The following UNC13B variants were observed in gnomAD, a reference collection of about 807,000 sequenced individuals.
UNC13B encodes the protein protein unc-13 homolog B.
In UNC13B, 144 loss-of-function variants were observed where a neutral mutation model predicts 211.0. The ratio of observed to expected loss-of-function variants is 0.68; its 90% CI spans 0.60 to 0.78. The LOEUF is 0.78. Among genes scored for constraint, UNC13B ranks in the 30% least tolerant of loss-of-function variants. The pLI, the probability that UNC13B is intolerant of heterozygous loss-of-function variation, is 0.00. For missense variants in UNC13B, 1,777 were observed against 2,002.0 expected (o/e 0.89, Z 2.14); for synonymous variants, 709 against 725.8 (o/e 0.98, Z 0.37).
rs550912877 is a variant in UNC13B at position 35,366,303 on chromosome 9, A to T, written c.9415-644A>T. ...ATTTTTGAACTGTTCCCTTCCTTGAATTATTTGGTGTCTCAAGTTTCGACT... is the reference window on the plus strand; with the variant it reads ...ATTTTTGAACTGTTCCCTTCCTTGATTTATTTGGTGTCTCAAGTTTCGACT... On this transcript the variant is annotated intron_variant, in intron 11 of 39. Transcript: ENST00000635942. 2.0e-5 allele frequency among the ~76,000 whole-genome samples: 3 copies of T among 152,276 alleles called. No individual in the cohort carries two copies. The South Asian group carries it at 6.2e-4, about 32-fold the overall frequency.
chr9:35,385,219 G>A, intron 22 of UNC13B: 1 of 985,444 alleles, frequency 1.0e-6, no homozygotes, highest in Non-Finnish European at 1.2e-6. Context: ...TCCAAAAGCA[G>A]TTCTGCTCAG....
chr9:35,324,294 A>G (rs1359928560), intron 11 of UNC13B, among the ~76,000 whole-genome samples: 1 of 152,340 alleles, frequency 6.6e-6, no homozygotes, highest in East Asian at 1.9e-4. Context: ...TCTATGTCAA[A>G]GAAATTTGGG....
Position 35,376,267 on chromosome 9 carries a change from AG to A in UNC13B, c.9835+24del, listed in dbSNP as rs1489686887. The stretch of plus-strand genomic sequence containing the variant: ...TGCAGCGTGAGTGCCCTGCGGGATG[AG>A]GGGCGGGGAGTGGGGCAGCAGGGGC... On this transcript the variant is annotated intron_variant, in intron 15 of 39. Coordinates refer to ENST00000635942, the MANE Select transcript of UNC13B (RefSeq NM_001371189.2). 3.1e-6 allele frequency: 5 copies of A among 1,608,896 alleles called. No homozygotes were observed. The highest frequency in any genetic ancestry group is 4.2e-6 in the Non-Finnish European group (5 of 1,177,718).
intron 1 of UNC13B, among the ~76,000 whole-genome samples, chr9:35,201,064 G>C: frequency 6.6e-6 from 1 of 152,104 alleles, no homozygotes; most frequent in East Asian, 1.9e-4. Flanking sequence ...GAATTTTGTC[G>C]AAGGCCTTTT....
At chr9:35,331,564 C>A (rs1831370012) in intron 11 of UNC13B, among the ~76,000 whole-genome samples, 1 of 152,146 alleles carries the variant, frequency 6.6e-6, no homozygotes, top group Admixed American at 6.5e-5. Flanking sequence ...AGTTTTAAAT[C>A]AAGCCCCTAA....
chr9:35,203,560 A>G (rs1238570706), intron 1 of UNC13B, among the ~76,000 whole-genome samples: 1 of 152,154 alleles, frequency 6.6e-6, no homozygotes, highest in African/African-American at 2.4e-5. Context: ...TTTGAGGGTA[A>G]CCCGACCTTT....
chr9:35,361,095 A>G (rs1833383020), intron 11 of UNC13B: 2 of 152,184 alleles, frequency 1.3e-5, no homozygotes, highest in African/African-American at 2.4e-5. Context: ...TGAACGTCTC[A>G]AGTCTTTTGA....
At position 35,396,546 on chromosome 9, in the gene UNC13B, C is replaced by T; in HGVS notation, c.11379C>T (p.His3793=). 1 of 1,614,116 alleles carries T rather than the reference C, an allele frequency of 6.2e-7. No individual in the cohort carries two copies. Among genetic ancestry groups the T allele is most frequent in the Non-Finnish European group, 8.5e-7 (1 of 1,180,040 alleles). The change falls in exon 27 of 40, where the codon CAC becomes CAT. Residue 3793 remains histidine, a synonymous_variant. Transcript: ENST00000635942. The part of the protein sequence containing the change: ...MNLHFKVKWL[H]NEYVRDLPVL... The stretch of plus-strand genomic sequence containing the variant: ...TGCACTTCAAGGTGAAGTGGCTCCA[C>T]AATGAATACGTGCGGGATCTGCCTG...
At chr9:35,193,234 C>T (rs1822753427) in intron 1 of UNC13B, among the ~76,000 whole-genome samples, 1 of 152,132 alleles carries the variant, frequency 6.6e-6, no homozygotes, top group Non-Finnish European at 1.5e-5. Context: ...AGCTCTATAT[C>T]CTGCTATTAC....
intron 7 of UNC13B, among the ~76,000 whole-genome samples, chr9:35,268,665 A>C (rs1283898852): frequency 6.6e-6 from 1 of 152,140 alleles, no homozygotes; most frequent in African/African-American, 2.4e-5. Context: ...TTTCCTCGTA[A>C]TTAGATTCAG....
At chr9:35,237,985 G>A (rs998875353) in intron 5 of UNC13B, among the ~76,000 whole-genome samples, 159 bp downstream of exon 5, 2 of 152,124 alleles carry the variant, frequency 1.3e-5, no homozygotes, top group African/African-American at 4.8e-5. Context: ...CCCAGGGAAT[G>A]GTGCAAAGTA....
chr9:35,179,199 AGGGAAAGAT>A (rs1199541669), intron 1 of UNC13B, among the ~76,000 whole-genome samples: 1 of 152,208 alleles, frequency 6.6e-6, no homozygotes, highest in Non-Finnish European at 1.5e-5. Context: ...AAAAGTATTT[AGGGAAAGAT>A]GGCTGTTATG....
intron 6 of UNC13B, among the ~76,000 whole-genome samples, chr9:35,251,029 C>T (rs1354996338): frequency 1.6e-5 from 2 of 127,276 alleles, no homozygotes; most frequent in Admixed American, 9.7e-5. Flanking sequence ...GTGGCGCGAT[C>T]TCTGCTCACT....
intron 11 of UNC13B, among the ~76,000 whole-genome samples, chr9:35,326,903 T>C (rs1261767031): frequency 6.6e-6 from 1 of 152,176 alleles, no homozygotes; most frequent in Non-Finnish European, 1.5e-5. Context: ...ATTTTTAAAT[T>C]GGGTTATTTG....
chr9:35,292,401 CA>C (rs1829144319), intron 7 of UNC13B, among the ~76,000 whole-genome samples: 1 of 152,250 alleles, frequency 6.6e-6, no homozygotes, highest in East Asian at 1.9e-4. Flanking sequence ...AATGGTTTCT[CA>C]AAAATATATA....
chr9:35,399,587 G>A, intron 35 of UNC13B, 62 bp from the exon 36 acceptor site: 1 of 1,604,342 alleles, frequency 6.2e-7, no homozygotes, highest in Admixed American at 1.7e-5. Context: ...GGGCTGGCAG[G>A]TGGGTGCAAG....
Position 35,381,209 on chromosome 9 carries a change from C to T in UNC13B, c.10485C>T (p.Leu3495=), listed in dbSNP as rs980811367. ...VAPYHVQYTC[L]HENLFHYLTD... is the part of the protein sequence containing the mutation. ...CATACCACGTGCAGTATACATGTCTCCATGAGGTGAGCCAGCCCTTGGTAG... is the reference window on the plus strand; with the variant it reads ...CATACCACGTGCAGTATACATGTCTTCATGAGGTGAGCCAGCCCTTGGTAG... The change falls in exon 19 of 40, where the codon CTC becomes CTT. Residue 3495 remains leucine, a synonymous_variant. Coordinates refer to ENST00000635942, the MANE Select transcript of UNC13B (RefSeq NM_001371189.2). The T allele has an allele frequency of 1.9e-6, 3 of 1,613,034 alleles. No individual in the cohort carries two copies. The highest frequency in any genetic ancestry group is 2.2e-5 in the East Asian group (1 of 44,894).
At chr9:35,309,730 G>T (rs1033136496) in intron 9 of UNC13B, among the ~76,000 whole-genome samples, 4 of 152,184 alleles carry the variant, frequency 2.6e-5, no homozygotes, top group African/African-American at 9.7e-5. Flanking sequence ...CCTGGAGTTG[G>T]ACTTTGTCCA....
intron 1 of UNC13B, among the ~76,000 whole-genome samples, chr9:35,226,343 G>A (rs7022313): frequency 0.14 from 21,557 of 152,160 alleles, 1,813 homozygotes; most frequent in Admixed American, 0.24. Flanking sequence ...TAAAGGGACA[G>A]AACTGATAGG....
Sources: gnomAD v4.1 joint callset for allele counts (sites outside exome capture counted in the v4.1 genomes callset) on GRCh38, gnomAD v4.1.1 for gene constraint, MANE v1.5 for transcripts, NCBI Gene and HGNC (gene_info 2026-07-23, HGNC 2026-07-21) for gene names.